TM7SF3: variants seen among roughly 807,000 people sequenced by gnomAD.
The protein encoded by TM7SF3 is seven span transmembrane protein.
In TM7SF3, 60 loss-of-function variants were observed where a neutral mutation model predicts 65.5. The ratio of observed to expected loss-of-function variants is 0.92; its 90% CI spans 0.74 to 1.14. The LOEUF (loss-of-function observed/expected upper bound fraction) is 1.14, where lower values mean the gene tolerates loss of function less well. Ranked by LOEUF, TM7SF3 falls within the 50% of genes most tolerant of loss-of-function variation. The probability of loss-of-function intolerance (pLI) is 0.00; values close to 1 mark genes in which losing one functional copy is unlikely to be tolerated. For synonymous variants in TM7SF3, 264 were observed against 259.6 expected (o/e 1.02, Z -0.16); for missense variants, 623 against 684.8 (o/e 0.91, Z 1.01).
chr12:26,988,062 TA>T (rs375692230), intron 6 of TM7SF3, among the ~76,000 whole-genome samples: 2,042 of 132,446 alleles, frequency 0.015, 22 homozygotes, highest in Admixed American at 0.035. Context: ...AGATTAAAAT[TA>T]AAAAAAAAAA....
At chr12:27,011,107 CATT>C (rs1162033346) in intron 1 of TM7SF3, among the ~76,000 whole-genome samples, 1 of 152,196 alleles carries the variant, frequency 6.6e-6, no homozygotes. Context: ...CCCAATTTCT[CATT>C]GTTATCTTCT....
chr12:26,979,488 T>C, intron 9 of TM7SF3: 1 of 317,222 alleles, frequency 3.2e-6, no homozygotes, highest in Non-Finnish European at 5.9e-6. Flanking sequence ...CATCAGAGCC[T>C]TTACCTCCTT....
At chr12:26,996,714 A>G (rs764794723) in intron 4 of TM7SF3, 28 bp downstream of exon 4, 2 of 1,595,744 alleles carry the variant, frequency 1.3e-6, no homozygotes, top group African/African-American at 1.4e-5. Flanking sequence ...TTCTAAAAGC[A>G]TTTCTCAGAC....
intron 11 of TM7SF3, among the ~76,000 whole-genome samples, chr12:26,974,557 G>A (rs1939491302): frequency 6.6e-6 from 1 of 152,168 alleles, no homozygotes; most frequent in African/African-American, 2.4e-5. Context: ...GGTTCGGGGA[G>A]GAAGGCAGTG....
At chr12:26,985,651 A>T (rs1940033212) in intron 6 of TM7SF3, among the ~76,000 whole-genome samples, 1 of 45,502 alleles carries the variant, frequency 2.2e-5, no homozygotes. Flanking sequence ...AAAAAAAAAA[A>T]AATATATATA....
In TM7SF3 at chr12:26,971,581, T is replaced by G. The variant is rs1043150985; in HGVS notation, c.*2384A>C. 6.6e-6 allele frequency: 1 copy of G among 151,140 alleles called. No homozygotes were observed. Among genetic ancestry groups the G allele is most frequent in the African/African-American group, 2.4e-5 (1 of 41,176 alleles). The allele number at this position is 151,140 out of a possible 1,614,324, so 9.4% of individuals were successfully genotyped here. A position where few individuals can be genotyped will look rare whatever the true frequency, so the allele number is the denominator to read the frequency against. On this transcript the variant is annotated 3_prime_UTR_variant, in exon 12 of 12. Coordinates refer to ENST00000343028, the MANE Select transcript of TM7SF3 (RefSeq NM_016551.3). ...ATATTTAATGAGGCTTTTTAGCATT[T>G]TTTTCAAAATAGGGATTTATTATAA...
chr12:26,986,722 GTT>G lies in TM7SF3; in HGVS notation c.868+3726_868+3727del, dbSNP rs1281520519. ...GAAAGAGCTACTTGAACTTTCTCCA[GTT>G]TCTGTGCTCCCAGCTCCTATTTGTT... On this transcript the variant is annotated intron_variant, in intron 6 of 11. Transcript: ENST00000343028. Among the ~76,000 whole-genome samples, 8 of 152,054 alleles carry G rather than the reference GTT, an allele frequency of 5.3e-5. 1 individual carries two copies. Among genetic ancestry groups the G allele is most frequent in the Admixed American group, 6.5e-5 (1 of 15,278 alleles).
chr12:27,000,597 C>T (rs145323206), intron 2 of TM7SF3, among the ~76,000 whole-genome samples: 1,940 of 152,142 alleles, frequency 0.013, 23 homozygotes, highest in Admixed American at 0.02. Flanking sequence ...GTAGCTGGGA[C>T]TACAGGCGCC....
Position 27,002,053 on chromosome 12 carries a change from C to A in TM7SF3, c.246+1183G>T, listed in dbSNP as rs180899812. Among the ~76,000 whole-genome samples the A allele has an allele frequency of 6.6e-4, 101 of 152,278 alleles. No individual in the cohort carries two copies. The South Asian group carries it at 7.9e-3, about 12-fold the overall frequency. On this transcript the variant is annotated intron_variant, in intron 2 of 11. Transcript: ENST00000343028. ...CTACACACATACCCCACAACACACA[C>A]GCACACACGTGCACAACCACATGCA...
intron 1 of TM7SF3, among the ~76,000 whole-genome samples, chr12:27,006,395 C>T (rs1941038864): frequency 6.6e-6 from 1 of 151,964 alleles, no homozygotes; most frequent in Non-Finnish European, 1.5e-5. Context: ...CCTGGGCCTC[C>T]CAAAGTGTTG....
intron 1 of TM7SF3, among the ~76,000 whole-genome samples, chr12:27,010,408 C>A (rs187668204): frequency 6.6e-6 from 1 of 152,180 alleles, no homozygotes; most frequent in Non-Finnish European, 1.5e-5. Flanking sequence ...ATAAGCATTA[C>A]GTTGAGAAAG....
chr12:27,013,929 T>G lies in TM7SF3; in HGVS notation c.91+149A>C, dbSNP rs1395101076. ...AGTGTTTCCGCTGCAGGAAACACCA[T>G]TCGTGCCGGTTCTGGACTCACCACC... On this transcript the variant is annotated intron_variant, in intron 1 of 11. Transcript: ENST00000343028. 4 of 721,232 alleles carry G rather than the reference T, an allele frequency of 5.5e-6. No individual in the cohort carries two copies. In the East Asian group the frequency reaches 1.1e-4, roughly 19 times the overall value. The allele number at this position is 721,232 out of a possible 1,614,324, so 44.7% of individuals were successfully genotyped here. A position where few individuals can be genotyped will look rare whatever the true frequency, so the allele number is the denominator to read the frequency against.
At chr12:26,976,450 C>T in intron 9 of TM7SF3, 93 bp from the exon 10 acceptor site, 1 of 768,354 alleles carries the variant, frequency 1.3e-6, no homozygotes. Flanking sequence ...TACATCAAAG[C>T]CTTAAAGTAA....
Position 26,986,211 on chromosome 12 carries a change from CTGA to C in TM7SF3, c.869-3355_869-3353del, listed in dbSNP as rs376533365. Among the ~76,000 whole-genome samples, 547 of 152,238 alleles carry C rather than the reference CTGA, an allele frequency of 3.6e-3. 1 individual carries two copies. Among genetic ancestry groups the C allele is most frequent in the African/African-American group, 0.013 (524 of 41,548 alleles). On this transcript the variant is annotated intron_variant, in intron 6 of 11. Transcript: ENST00000343028. ...GTAAAATCCAGCTTCAGCAAGAACT[CTGA>C]TAAGTCAGCTTAGCAAGAATCCCCT...
rs772325397 is a variant in TM7SF3, at chr12:27,012,995, C to CAAAA, written c.91+1079_91+1082dup. 1.0e-3 allele frequency: 117 copies of CAAAA among 116,958 alleles called. 3 individuals carry two copies. The highest frequency in any genetic ancestry group is 1.7e-3 in the African/African-American group (46 of 27,600). The allele number at this position is 116,958 out of a possible 1,614,324, so 7.2% of individuals were successfully genotyped here. On this transcript the variant is annotated intron_variant, in intron 1 of 11. Transcript: ENST00000343028. ...CCTAGGCGACAGAGCGAGACTCCGT[C>CAAAA]AAAAAAAAAAAAAAAAAAAGTCACC...
In TM7SF3 at chr12:27,014,229, G is replaced by C; in HGVS notation, c.-61C>G. The C allele has an allele frequency of 1.3e-6, 2 of 1,501,072 alleles. No individual in the cohort carries two copies. The highest frequency in any genetic ancestry group is 1.2e-5 in the South Asian group (1 of 81,856). 93.0% of individuals were successfully genotyped at this position (1,501,072 alleles called of 1,614,324 possible). The stretch of plus-strand genomic sequence containing the variant: ...GGGGAGAGGTGCGGGCGTGCGCGCC[G>C]GGGCCCCGCAGCCTCGCCCACGCTA... On this transcript the variant is annotated 5_prime_UTR_variant, in exon 1 of 12. Coordinates refer to ENST00000343028, the MANE Select transcript of TM7SF3 (RefSeq NM_016551.3).
In TM7SF3 at chr12:26,972,241, A is replaced by G. The variant is rs1379304955; in HGVS notation, c.*1724T>C. The G allele has an allele frequency of 6.6e-6, 1 of 152,184 alleles. No homozygotes were observed. The highest frequency in any genetic ancestry group is 1.5e-5 in the Non-Finnish European group (1 of 68,036). 9.4% of individuals were successfully genotyped at this position (152,184 alleles called of 1,614,324 possible). ...GTCCTAATGAAAAGCAGCTCCTCTA[A>G]ACACCTGAATCCTTTTTGACTCCAT... On this transcript the variant is annotated 3_prime_UTR_variant, in exon 12 of 12. Coordinates refer to ENST00000343028, the MANE Select transcript of TM7SF3 (RefSeq NM_016551.3).
At chr12:26,990,871 A>G (rs889400794) in intron 5 of TM7SF3, among the ~76,000 whole-genome samples, 1 of 152,240 alleles carries the variant, frequency 6.6e-6, no homozygotes, top group African/African-American at 2.4e-5. Context: ...AAAATGCGAT[A>G]TAAACAATGT....
At chr12:26,980,224 A>G in intron 8 of TM7SF3, 1 of 557,676 alleles carries the variant, frequency 1.8e-6, no homozygotes, top group Non-Finnish European at 3.2e-6. Context: ...TCTGTTAAAC[A>G]TAATGGGGTA....
Sources: gnomAD v4.1 joint callset for allele counts (sites outside exome capture counted in the v4.1 genomes callset) on GRCh38, gnomAD v4.1.1 for gene constraint, MANE v1.5 for transcripts, NCBI Gene and HGNC (gene_info 2026-07-23, HGNC 2026-07-21) for gene names.